ELL: variants seen among roughly 807,000 people sequenced by gnomAD.
The protein encoded by ELL is RNA polymerase II elongation factor ELL.
ELL carries 18 observed loss-of-function variants against 64.0 expected under a neutral mutation model. That is an observed-to-expected ratio of 0.28 (90% CI 0.19 to 0.42). The LOEUF (loss-of-function observed/expected upper bound fraction) is 0.42, where lower values mean the gene tolerates loss of function less well. Among genes scored for constraint, ELL ranks in the 10% least tolerant of loss-of-function variants. The pLI is 1.00. For missense variants in ELL, 797 were observed against 870.4 expected, an observed-to-expected ratio of 0.92 and a Z score of 1.06; for synonymous variants, 399 against 376.2, an observed-to-expected ratio of 1.06 and a Z score of -0.70.
At chr19:18,464,411 G>C (rs1974894336) in intron 4 of ELL, among the ~76,000 whole-genome samples, 1 of 152,166 alleles carries the variant, frequency 6.6e-6, no homozygotes, top group Admixed American at 6.5e-5. Flanking sequence ...CTCTTCAACT[G>C]TTCTCCCCAC....
At position 18,518,451 on chromosome 19, in the gene ELL, T is replaced by C. The variant is rs546144506; in HGVS notation, c.135+3470A>G. The stretch of plus-strand genomic sequence containing the variant: ...GCTGCAGTGAGCTATGATCATGCCA[T>C]TGCACTCCAGCCTGGACAATGGAGC... On this transcript the variant is annotated intron_variant, in intron 1 of 11. Transcript: ENST00000262809. Among the ~76,000 whole-genome samples, 24 of 148,538 alleles carry C rather than the reference T, an allele frequency of 1.6e-4. No individual in the cohort carries two copies. The East Asian group carries it at 1.8e-3, about 11-fold the overall frequency.
chr19:18,460,107 C>A (rs1974772389), intron 5 of ELL, among the ~76,000 whole-genome samples: 1 of 152,182 alleles, frequency 6.6e-6, no homozygotes, highest in Admixed American at 6.5e-5. Flanking sequence ...GGACACCTTC[C>A]ATCTCTGCTC....
At chr19:18,447,618 C>T (rs1974442111) in intron 8 of ELL, among the ~76,000 whole-genome samples, 1 of 152,226 alleles carries the variant, frequency 6.6e-6, no homozygotes, top group Non-Finnish European at 1.5e-5. Flanking sequence ...CCACATAAGA[C>T]AACACCCCTG....
rs1178844413 is a variant in ELL at position 18,509,589 on chromosome 19, GCGCGCACATACA to G, written c.135+12320_135+12331del. 3.6e-4 allele frequency among the ~76,000 whole-genome samples: 40 copies of G among 110,140 alleles called. 1 individual carries two copies. The highest frequency in any genetic ancestry group is 1.7e-3 in the Admixed American group (19 of 11,372). The allele number at this position is 110,140 out of a possible 152,430, so 72.3% of individuals were successfully genotyped here. On this transcript the variant is annotated intron_variant, in intron 1 of 11. Transcript: ENST00000262809. ...GACACAGGCCAATGCACGTGCGCGC[GCGCGCACATACA>G]CACACACACACACACACACACACAC...
intron 6 of ELL, among the ~76,000 whole-genome samples, chr19:18,454,840 C>CTAAAAAA (rs1974621815): frequency 1.8e-5 from 1 of 56,512 alleles, no homozygotes; most frequent in African/African-American, 7.1e-5. Context: ...GACTCAGTCT[C>CTAAAAAA]AAAAAAAAAA....
chr19:18,463,325 C>CTTTTT (rs34610795), intron 4 of ELL, among the ~76,000 whole-genome samples: 5 of 73,250 alleles, frequency 6.8e-5, no homozygotes, highest in African/African-American at 2.5e-4. Context: ...ACATTCACAT[C>CTTTTT]TTTTTTTTTT....
At chr19:18,497,738 G>A (rs1366141944) in intron 1 of ELL, among the ~76,000 whole-genome samples, 1 of 142,906 alleles carries the variant, frequency 7.0e-6, no homozygotes, top group Non-Finnish European at 1.5e-5. Flanking sequence ...GATCACCTAA[G>A]CCTAGGAGAT....
At chr19:18,489,353 G>A (rs1975480491) in intron 1 of ELL, among the ~76,000 whole-genome samples, 1 of 152,182 alleles carries the variant, frequency 6.6e-6, no homozygotes, top group Non-Finnish European at 1.5e-5. Flanking sequence ...GACAGATTTA[G>A]AGAAAGTCAT....
rs1378072779 is a variant in ELL at position 18,517,915 on chromosome 19, GAAGAA to G, written c.135+4001_135+4005del. Among the ~76,000 whole-genome samples the G allele has an allele frequency of 2.0e-5, 3 of 146,984 alleles. No homozygotes were observed. In the East Asian group the frequency reaches 6.2e-4, roughly 30 times the overall value. The stretch of plus-strand genomic sequence containing the variant: ...AAAAAAAAAAAAAGAAGGAGAAGAA[GAAGAA>G]AAGAAAAGAGAAAAACTAGGCCAGG... On this transcript the variant is annotated intron_variant, in intron 1 of 11. Transcript: ENST00000262809.
chr19:18,483,863 A>G (rs1222893326), intron 1 of ELL, among the ~76,000 whole-genome samples: 3 of 152,174 alleles, frequency 2.0e-5, no homozygotes, highest in African/African-American at 7.2e-5. Flanking sequence ...CTGCACCTCC[A>G]TGGGTCAATC....
At chr19:18,471,388 G>A (rs1209426369) in intron 2 of ELL, 2 of 444,618 alleles carry the variant, frequency 4.5e-6, no homozygotes, top group Admixed American at 4.9e-5. Flanking sequence ...AACAAAACAA[G>A]GCTGGGCGTG....
chr19:18,470,380 T>G (rs1040023671), intron 2 of ELL, among the ~76,000 whole-genome samples: 2 of 151,888 alleles, frequency 1.3e-5, no homozygotes, highest in Non-Finnish European at 2.9e-5. Context: ...GGGGCATGGG[T>G]GGTCAGGCAG....
rs1974320110 is a variant in ELL, at chr19:18,442,692, A to G, written c.*2060T>C. 1 of 189,866 alleles carries G rather than the reference A, an allele frequency of 5.3e-6. No individual in the cohort carries two copies. The highest frequency in any genetic ancestry group is 1.1e-5 in the Non-Finnish European group (1 of 90,194). The allele number at this position is 189,866 out of a possible 1,614,324, so 11.8% of individuals were successfully genotyped here. On this transcript the variant is annotated 3_prime_UTR_variant, in exon 12 of 12. Coordinates refer to ENST00000262809, the MANE Select transcript of ELL (RefSeq NM_006532.4). ...GTTCAGTGAAATTTATTGGAGAATG[A>G]AAAAAGTCAGCATTCACCTGTTTAG... is the stretch of plus-strand genomic sequence containing the variant.
rs1199727583 is a variant in ELL at position 18,501,706 on chromosome 19, G to A, written c.135+20215C>T. Among the ~76,000 whole-genome samples, 2 of 152,326 alleles carry A rather than the reference G, an allele frequency of 1.3e-5. No individual in the cohort carries two copies. The highest frequency in any genetic ancestry group is 3.4e-3 in the Middle Eastern group (1 of 294). On this transcript the variant is annotated intron_variant, in intron 1 of 11. Coordinates refer to ENST00000262809, the MANE Select transcript of ELL (RefSeq NM_006532.4). This position sits in a 1 kb window ranked among gnomAD's most constrained non-coding sequence, Gnocchi z 4.5. ...ATCTGACACACCTGGGGGCCCAAGAGGTGATGGCATCACATAAAAGCAAAA... is the reference window on the plus strand; with the variant it reads ...ATCTGACACACCTGGGGGCCCAAGAAGTGATGGCATCACATAAAAGCAAAA...
intron 6 of ELL, among the ~76,000 whole-genome samples, chr19:18,452,546 G>A (rs1209876112): frequency 6.6e-6 from 1 of 152,254 alleles, no homozygotes; most frequent in African/African-American, 2.4e-5. Flanking sequence ...CATAGCAGAA[G>A]CATGAGTGGT....
chr19:18,473,287 G>C (rs1215982094), intron 1 of ELL: 1 of 482,192 alleles, frequency 2.1e-6, no homozygotes, highest in Non-Finnish European at 4.1e-6. Context: ...ACAGGTCAGG[G>C]TTGACCCTGG....
At chr19:18,479,708 C>CAAAAAAAAA (rs60371809) in intron 1 of ELL, among the ~76,000 whole-genome samples, 2 of 72,818 alleles carry the variant, frequency 2.7e-5, no homozygotes, top group Non-Finnish European at 5.3e-5. Flanking sequence ...GACTCCATCT[C>CAAAAAAAAA]AAAAAAAAAA....
At chr19:18,482,431 C>A (rs1975321696) in intron 1 of ELL, among the ~76,000 whole-genome samples, 1 of 148,164 alleles carries the variant, frequency 6.7e-6, no homozygotes, top group South Asian at 2.3e-4. Flanking sequence ...AATTCTCCTG[C>A]CTCTGCCTCT....
chr19:18,515,172 C>T (rs1365040858), intron 1 of ELL, among the ~76,000 whole-genome samples: 2 of 152,254 alleles, frequency 1.3e-5, no homozygotes, highest in African/African-American at 2.4e-5. Flanking sequence ...GTCCCTCACA[C>T]ACACTCTTGC....
Sources: allele counts gnomAD v4.1 joint callset (sites outside exome capture counted in the v4.1 genomes callset), GRCh38; gene constraint gnomAD v4.1.1; non-coding constraint Gnocchi (gnomAD v3.1); transcripts MANE v1.5; gene names NCBI Gene and HGNC (gene_info 2026-07-23, HGNC 2026-07-21).